Variants in ERBB4 observed in about 807,000 individuals in gnomAD.
ERBB4 encodes erb-b2 receptor tyrosine kinase 4, also known as receptor tyrosine-protein kinase erbB-4.
Under a neutral mutation model 158.0 loss-of-function variants are expected in ERBB4, and 42 were observed. The ratio of observed to expected loss-of-function variants is 0.27; its 90% CI spans 0.21 to 0.34. The LOEUF (loss-of-function observed/expected upper bound fraction) is 0.34, where lower values mean the gene tolerates loss of function less well. ERBB4 is among the 10% of genes least tolerant of loss of function. The pLI is 1.00. For synonymous variants in ERBB4, 583 were observed against 558.7 expected (o/e 1.04, Z -0.61); for missense variants, 1,333 against 1,624.1 (o/e 0.82, Z 3.08).
At chr2:211,869,455 G>T (rs571855172) in intron 3 of ERBB4, among the ~76,000 whole-genome samples, 1 of 152,032 alleles carries the variant, frequency 6.6e-6, no homozygotes, top group African/African-American at 2.4e-5. Flanking sequence ...TGTAATAATA[G>T]TTACATAGTT....
Position 211,705,500 on chromosome 2 carries a change from G to T in ERBB4, c.1125-109C>A, listed in dbSNP as rs544113577. 2.9e-5 allele frequency: 23 copies of T among 780,608 alleles called. No homozygotes were observed. The African/African-American group carries it at 3.0e-4, about 10-fold the overall frequency. The allele number at this position is 780,608 out of a possible 1,614,324, so 48.4% of individuals were successfully genotyped here. On this transcript the variant is annotated intron_variant, in intron 9 of 27. Coordinates refer to ENST00000342788, the MANE Select transcript of ERBB4 (RefSeq NM_005235.3). ...AATTTAATTTTAATTAGCAGTAGGG[G>T]TGTTATCAATGCATGTTTAAATTAA...
intron 2 of ERBB4, 110 bp downstream of exon 2, chr2:212,124,642 C>T: frequency 3.2e-6 from 4 of 1,234,714 alleles, no homozygotes; most frequent in East Asian, 2.3e-5. Flanking sequence ...AGTCACAGTG[C>T]CTGCCAGGCA....
intron 11 of ERBB4, among the ~76,000 whole-genome samples, chr2:211,703,007 TC>T (rs1376896233): frequency 6.6e-6 from 1 of 152,188 alleles, no homozygotes; most frequent in Non-Finnish European, 1.5e-5. Flanking sequence ...CACATTTCGA[TC>T]AGCTAATGAA....
intron 1 of ERBB4, among the ~76,000 whole-genome samples, chr2:212,526,692 CTA>C (rs963582065): frequency 6.6e-6 from 1 of 151,996 alleles, no homozygotes; most frequent in African/African-American, 2.4e-5. Context: ...TCTACACTCT[CTA>C]TTATTTTAAC....
At chr2:212,426,179 C>G (rs566076701) in intron 1 of ERBB4, 4 of 439,694 alleles carry the variant, frequency 9.1e-6, no homozygotes, top group Non-Finnish European at 8.9e-6. Context: ...TGATATCACT[C>G]TTTATAGAAG....
chr2:211,734,620 T>TAAAAAAAAA (rs34036811), intron 5 of ERBB4, among the ~76,000 whole-genome samples: 1 of 102,350 alleles, frequency 9.8e-6, no homozygotes, highest in Non-Finnish European at 1.9e-5. Flanking sequence ...GCTGTAGCAT[T>TAAAAAAAAA]AAAAAAAAAA....
At chr2:211,501,146 A>G (rs1020787467) in intron 20 of ERBB4, among the ~76,000 whole-genome samples, 1 of 151,946 alleles carries the variant, frequency 6.6e-6, no homozygotes, top group Non-Finnish European at 1.5e-5. Context: ...GCATTTATAT[A>G]CCTCATTTAA....
chr2:211,512,552 T>TA (rs929553239), intron 20 of ERBB4, among the ~76,000 whole-genome samples: 172 of 149,216 alleles, frequency 1.2e-3, no homozygotes, highest in African/African-American at 2.7e-3. Context: ...ACAATGAAAT[T>TA]AAAAAAAAAA....
At chr2:212,200,714 A>G (rs541162569) in intron 1 of ERBB4, among the ~76,000 whole-genome samples, 16 of 152,322 alleles carry the variant, frequency 1.1e-4, no homozygotes, top group African/African-American at 3.6e-4. Flanking sequence ...ACAGAATTCA[A>G]AAATGATTAT....
chr2:211,760,040 G>A lies in ERBB4; in HGVS notation c.557-9336C>T, dbSNP rs146685229. On this transcript the variant is annotated intron_variant, in intron 4 of 27. Coordinates refer to ENST00000342788, the MANE Select transcript of ERBB4 (RefSeq NM_005235.3). ...GATATTTTCACTGGTACATGTAGGA[G>A]ATAAATACATATTTTTTAATGAAAA... is the stretch of plus-strand genomic sequence containing the variant. Among the ~76,000 whole-genome samples the A allele has an allele frequency of 2.6e-3, 399 of 152,252 alleles. 2 individuals are homozygous for A. The highest frequency in any genetic ancestry group is 9.1e-3 in the African/African-American group (378 of 41,536).
chr2:211,462,204 GA>G (rs2064552787), intron 20 of ERBB4, among the ~76,000 whole-genome samples: 1 of 151,996 alleles, frequency 6.6e-6, no homozygotes, highest in Non-Finnish European at 1.5e-5. Flanking sequence ...GCAGGAGAAA[GA>G]GGGGCAGGGG....
intron 3 of ERBB4, among the ~76,000 whole-genome samples, chr2:211,886,648 G>A (rs1262950818): frequency 2.0e-5 from 3 of 152,158 alleles, no homozygotes; most frequent in Non-Finnish European, 2.9e-5. Context: ...GGCATCTTGG[G>A]GACGGCTATG....
chr2:212,339,200 TC>T (rs1332156315), intron 1 of ERBB4, among the ~76,000 whole-genome samples: 1 of 152,060 alleles, frequency 6.6e-6, no homozygotes, highest in African/African-American at 2.4e-5. Context: ...TGTGTGTTGT[TC>T]CCCTTCCTGT....
intron 1 of ERBB4, among the ~76,000 whole-genome samples, chr2:212,491,650 A>C (rs1690286154): frequency 6.6e-6 from 1 of 151,578 alleles, no homozygotes; most frequent in South Asian, 2.1e-4. Flanking sequence ...TTCACTGTCT[A>C]GAATTTTCTT....
At chr2:211,905,188 G>A (rs552920257) in intron 3 of ERBB4, among the ~76,000 whole-genome samples, 15 of 152,092 alleles carry the variant, frequency 9.9e-5, no homozygotes, top group African/African-American at 3.4e-4. Context: ...GGAGGGTCCG[G>A]AGAACAATCT....
At chr2:212,283,200 CA>C (rs2085825095) in intron 1 of ERBB4, among the ~76,000 whole-genome samples, 1 of 151,882 alleles carries the variant, frequency 6.6e-6, no homozygotes, top group Admixed American at 6.6e-5. Flanking sequence ...TTGTGTAGTA[CA>C]GGAGGCAAAA....
At chr2:212,305,208 T>G (rs79340671) in intron 1 of ERBB4, among the ~76,000 whole-genome samples, 3,204 of 151,460 alleles carry the variant, frequency 0.021, 124 homozygotes, top group African/African-American at 0.073. Flanking sequence ...ATCTATTCCC[T>G]AAGTCATTAC....
intron 1 of ERBB4, among the ~76,000 whole-genome samples, chr2:212,349,808 A>C (rs1198494294): frequency 6.6e-6 from 1 of 152,116 alleles, no homozygotes; most frequent in Admixed American, 6.6e-5. Context: ...CCAAAACTAT[A>C]TCTTATAGTT....
intron 3 of ERBB4, among the ~76,000 whole-genome samples, chr2:211,855,344 G>A (rs1423496989): frequency 6.6e-6 from 1 of 152,060 alleles, no homozygotes; most frequent in African/African-American, 2.4e-5. Flanking sequence ...TCTAATTTTA[G>A]TATAAGATTT....
Sources: allele counts gnomAD v4.1 joint callset (sites outside exome capture counted in the v4.1 genomes callset), GRCh38; gene constraint gnomAD v4.1.1; transcripts MANE v1.5; gene names NCBI Gene and HGNC (gene_info 2026-07-23, HGNC 2026-07-21).